The following RAPGEF5 variants were observed in gnomAD, a reference collection of about 807,000 sequenced individuals.
The protein encoded by RAPGEF5 is M-Ras-regulated GEF.
A neutral mutation model predicts 125.2 loss-of-function variants in RAPGEF5; 65 were observed. That is an observed-to-expected ratio of 0.52 (90% CI 0.43 to 0.64). RAPGEF5 has a LOEUF of 0.64. RAPGEF5 is among the 30% of genes least tolerant of loss of function. The probability of loss-of-function intolerance (pLI) is 0.00; values close to 1 mark genes in which losing one functional copy is unlikely to be tolerated. For synonymous variants in RAPGEF5, 391 were observed against 385.9 expected, an observed-to-expected ratio of 1.01 and a Z score of -0.16; for missense variants, 958 against 1,048.1, an observed-to-expected ratio of 0.91 and a Z score of 1.19.
chr7:22,246,955 C>G (rs1369382616), intron 7 of RAPGEF5, among the ~76,000 whole-genome samples: 1 of 152,166 alleles, frequency 6.6e-6, no homozygotes, highest in Non-Finnish European at 1.5e-5. Flanking sequence ...GACACACAAG[C>G]AGCCAATAAA....
chr7:22,162,395 A>C lies in RAPGEF5; in HGVS notation c.1428+2T>G. 6.4e-7 allele frequency: 1 copy of C among 1,570,236 alleles called. No homozygotes were observed. The highest frequency in any genetic ancestry group is 8.7e-7 in the Non-Finnish European group (1 of 1,143,848). ...AAAGAATATCTGGAAATGTTTGATT[A>C]CCTTTAAAAACATTTTTGAATGTTC... On this transcript the variant is annotated splice_donor_variant, in intron 13 of 25. Coordinates refer to ENST00000665637, the MANE Select transcript of RAPGEF5 (RefSeq NM_012294.5). LOFTEE classifies it high-confidence loss of function.
At chr7:22,219,163 A>G (rs1785716007) in intron 9 of RAPGEF5, among the ~76,000 whole-genome samples, 1 of 152,236 alleles carries the variant, frequency 6.6e-6, no homozygotes, top group South Asian at 2.1e-4. Context: ...CTCATAACCA[A>G]CAACAACCAA....
At chr7:22,298,798 T>C (rs1783127203) in intron 5 of RAPGEF5, 1 of 152,250 alleles carries the variant, frequency 6.6e-6, no homozygotes, top group South Asian at 2.1e-4. Flanking sequence ...TTAGTATACA[T>C]AATTCTATTC....
intron 1 of RAPGEF5, among the ~76,000 whole-genome samples, chr7:22,345,416 G>A (rs1041032246): frequency 7.2e-5 from 11 of 152,156 alleles, no homozygotes; most frequent in Non-Finnish European, 1.5e-5. Context: ...CAGCAGCTCA[G>A]GCTTACTGAG....
intron 6 of RAPGEF5, among the ~76,000 whole-genome samples, chr7:22,286,397 C>A (rs1023805618): frequency 1.3e-5 from 2 of 152,190 alleles, no homozygotes; most frequent in African/African-American, 4.8e-5. Context: ...GACAATTAGA[C>A]TATGAACAAA....
chr7:22,251,537 G>A (rs1786620441), intron 7 of RAPGEF5, among the ~76,000 whole-genome samples: 1 of 152,108 alleles, frequency 6.6e-6, no homozygotes, highest in Non-Finnish European at 1.5e-5. Flanking sequence ...AGTCAACAGT[G>A]TATTAAGGAC....
chr7:22,213,108 T>A (rs1402729572), intron 9 of RAPGEF5, among the ~76,000 whole-genome samples: 1 of 152,160 alleles, frequency 6.6e-6, no homozygotes. Flanking sequence ...CGTCAAAAAA[T>A]AGCATAATGA....
intron 9 of RAPGEF5, among the ~76,000 whole-genome samples, chr7:22,207,335 G>A (rs1167886593): frequency 6.6e-6 from 1 of 152,160 alleles, no homozygotes; most frequent in Non-Finnish European, 1.5e-5. Context: ...TATAAACTTA[G>A]TTAAAGATTT....
chr7:22,156,380 G>A (rs1783807381), intron 16 of RAPGEF5, among the ~76,000 whole-genome samples: 1 of 152,206 alleles, frequency 6.6e-6, no homozygotes, highest in Non-Finnish European at 1.5e-5. Context: ...TCTCTCCACA[G>A]GAGTTTCTTC....
chr7:22,260,386 G>A (rs1782120653), intron 7 of RAPGEF5, among the ~76,000 whole-genome samples: 1 of 151,780 alleles, frequency 6.6e-6, no homozygotes. Context: ...TGGGGCAGGA[G>A]GTATAAAGCA....
intron 9 of RAPGEF5, among the ~76,000 whole-genome samples, chr7:22,214,742 C>T (rs2128131439): frequency 6.6e-6 from 1 of 151,722 alleles, no homozygotes; most frequent in South Asian, 2.1e-4. Context: ...CCAGAGCTGC[C>T]CTCTGAGTGC....
chr7:22,257,731 T>C (rs774948794), intron 7 of RAPGEF5, among the ~76,000 whole-genome samples: 1 of 152,238 alleles, frequency 6.6e-6, no homozygotes, highest in African/African-American at 2.4e-5. Flanking sequence ...ATATATCTTG[T>C]TGGTTATTTT....
chr7:22,248,132 T>C (rs1786526606), intron 7 of RAPGEF5, among the ~76,000 whole-genome samples: 3 of 151,746 alleles, frequency 2.0e-5, no homozygotes. Context: ...AAAGTTGAAA[T>C]TTTTTTTTAA....
intron 7 of RAPGEF5, among the ~76,000 whole-genome samples, chr7:22,239,404 C>T (rs1442905279): frequency 6.6e-6 from 1 of 152,152 alleles, no homozygotes; most frequent in Non-Finnish European, 1.5e-5. Context: ...AAAGCCATAG[C>T]ACTCAGACAG....
At chr7:22,356,143 T>G in intron 1 of RAPGEF5, 1 of 985,224 alleles carries the variant, frequency 1.0e-6, no homozygotes, top group Non-Finnish European at 1.2e-6. Flanking sequence ...CCTGCTCAGG[T>G]CATTAGATGC....
chr7:22,312,125 AACTCTGCTTAGGAGTC>A (rs1413338911), intron 3 of RAPGEF5, among the ~76,000 whole-genome samples: 1 of 152,226 alleles, frequency 6.6e-6, no homozygotes, highest in African/African-American at 2.4e-5. Context: ...GGCTTCTCAA[AACTCTGCTTAGGAGTC>A]ACCTGGGTGA....
intron 11 of RAPGEF5, among the ~76,000 whole-genome samples, chr7:22,168,847 T>A (rs532135700): frequency 5.3e-5 from 8 of 152,328 alleles, no homozygotes; most frequent in African/African-American, 1.9e-4. Context: ...AATTGCAAGA[T>A]GCCTGTAATT....
intron 6 of RAPGEF5, among the ~76,000 whole-genome samples, chr7:22,286,673 T>C (rs1782805346): frequency 1.3e-5 from 2 of 152,210 alleles, no homozygotes; most frequent in South Asian, 4.1e-4. Flanking sequence ...ATTTCCTAAA[T>C]TTACATCCTT....
chr7:22,139,209 C>G (rs1267937624), intron 21 of RAPGEF5, among the ~76,000 whole-genome samples: 1 of 152,108 alleles, frequency 6.6e-6, no homozygotes, highest in East Asian at 1.9e-4. Flanking sequence ...GGAACTAAAT[C>G]TGAGAGGACT....
Sources: allele counts gnomAD v4.1 joint callset (sites outside exome capture counted in the v4.1 genomes callset), GRCh38; gene constraint gnomAD v4.1.1; transcripts MANE v1.5; gene names NCBI Gene and HGNC (gene_info 2026-07-23, HGNC 2026-07-21).